WNT2: variants seen among roughly 807,000 people sequenced by gnomAD.
The protein encoded by WNT2 is protein Wnt-2.
A neutral mutation model predicts 36.9 loss-of-function variants in WNT2; 12 were observed. The observed-to-expected ratio is 0.33, with a 90% CI of 0.21 to 0.53. WNT2 has a LOEUF of 0.53. Among genes scored for constraint, WNT2 ranks in the 20% least tolerant of loss-of-function variants. WNT2 has a pLI of 0.95. For missense variants in WNT2, 379 were observed against 473.1 expected (o/e 0.80, Z 1.84); for synonymous variants, 163 against 174.6 (o/e 0.93, Z 0.52).
chr7:117,292,417 G>A (rs562076338), intron 4 of WNT2, among the ~76,000 whole-genome samples: 4 of 152,126 alleles, frequency 2.6e-5, no homozygotes, highest in African/African-American at 9.6e-5. Flanking sequence ...GTAACTTTGC[G>A]GAACCTCACT....
intron 3 of WNT2, among the ~76,000 whole-genome samples, chr7:117,310,584 A>AAC (rs1468766745): frequency 2.8e-5 from 4 of 143,598 alleles, no homozygotes; most frequent in African/African-American, 5.2e-5. Flanking sequence ...CCCTGTCTCA[A>AAC]AAAAAAAAAA....
At chr7:117,290,042 G>A (rs1215718092) in intron 4 of WNT2, among the ~76,000 whole-genome samples, 1 of 152,086 alleles carries the variant, frequency 6.6e-6, no homozygotes, top group Non-Finnish European at 1.5e-5. Flanking sequence ...CAGGGGACAG[G>A]GCAAATAAGG....
chr7:117,278,314 G>A lies in WNT2; in HGVS notation c.924C>T (p.Cys308=), dbSNP rs766068143. 1 of 1,614,222 alleles carries A rather than the reference G, an allele frequency of 6.2e-7. No individual in the cohort carries two copies. Among genetic ancestry groups the A allele is most frequent in the Non-Finnish European group, 8.5e-7 (1 of 1,180,052 alleles). ...GGGAGGTGTCGTAGCCTCTCCCACA[G>A]CACATGACTTCACAGCTGTCCATGC... ...SRGMDSCEVM[C]CGRGYDTSHV... is the part of the protein sequence containing the mutation. Residue 308 remains cysteine (C), a synonymous_variant, in exon 5 of 5, where the codon TGC becomes TGT. Transcript: ENST00000265441.
chr7:117,320,346 T>C (rs1014086594), intron 2 of WNT2: 1 of 560,514 alleles, frequency 1.8e-6, no homozygotes, highest in South Asian at 2.1e-5. Flanking sequence ...GACAACAGCC[T>C]GGGGTTCTAC....
intron 4 of WNT2, among the ~76,000 whole-genome samples, chr7:117,278,591 G>C (rs1794425142): frequency 6.6e-6 from 1 of 152,192 alleles, no homozygotes; most frequent in African/African-American, 2.4e-5. Context: ...GTGCTGAGAG[G>C]GCCGAGTCCC....
chr7:117,319,755 T>C (rs550775086), intron 2 of WNT2, among the ~76,000 whole-genome samples: 1 of 152,304 alleles, frequency 6.6e-6, no homozygotes, highest in African/African-American at 2.4e-5. Context: ...TTCAGAACTT[T>C]TAAGAAGTTT....
Position 117,321,561 on chromosome 7 carries a change from G to T in WNT2, c.84-768C>A, listed in dbSNP as rs552096251. On this transcript the variant is annotated intron_variant, in intron 1 of 4. Transcript: ENST00000265441. Reference sequence around the variant, plus strand: ...TATTAGTCGTGAAATGTTTAGAAAGGTACCTTTTATATAACCCAAGCTGCC... The same window carrying T: ...TATTAGTCGTGAAATGTTTAGAAAGTTACCTTTTATATAACCCAAGCTGCC... 8.5e-5 allele frequency among the ~76,000 whole-genome samples: 13 copies of T among 152,240 alleles called. No individual in the cohort carries two copies. The South Asian group carries it at 1.7e-3, about 19-fold the overall frequency.
intron 4 of WNT2, among the ~76,000 whole-genome samples, chr7:117,292,627 G>A (rs780482370): frequency 6.6e-6 from 1 of 152,168 alleles, no homozygotes; most frequent in South Asian, 2.1e-4. Flanking sequence ...GCCTAGTAGC[G>A]TTACTTCAGG....
intron 1 of WNT2, 70 bp from the exon 2 acceptor site, chr7:117,320,863 A>G (rs952727112): frequency 6.0e-6 from 8 of 1,338,666 alleles, no homozygotes; most frequent in African/African-American, 1.4e-5. Context: ...TGTTCCTGGG[A>G]GACTAAGGAG....
chr7:117,300,248 G>A (rs754648885), intron 3 of WNT2, among the ~76,000 whole-genome samples: 7 of 152,050 alleles, frequency 4.6e-5, no homozygotes, highest in Non-Finnish European at 7.4e-5. Flanking sequence ...GTGCAGTGGC[G>A]CGATCTCAGC....
At position 117,315,287 on chromosome 7, in the gene WNT2, G is replaced by C; in HGVS notation, c.372C>G (p.Thr124=). ...TTACTTCTCCTTGGCTACAGGCCCT[G>C]GTGATGGCAAATACAACTCCAGCTG... is the stretch of plus-strand genomic sequence containing the variant. The part of the protein sequence containing the change: ...ISSAGVVFAI[T]RACSQGEVKS... Residue 124 remains threonine, a synonymous_variant, in exon 3 of 5, where the codon ACC becomes ACG. Transcript: ENST00000265441. 1 of 1,614,172 alleles carries C rather than the reference G, an allele frequency of 6.2e-7. No homozygotes were observed. Among genetic ancestry groups the C allele is most frequent in the Non-Finnish European group, 8.5e-7 (1 of 1,180,022 alleles).
intron 2 of WNT2, among the ~76,000 whole-genome samples, chr7:117,319,768 T>C (rs1398042613): frequency 4.6e-5 from 7 of 152,256 alleles, no homozygotes; most frequent in African/African-American, 1.7e-4. Context: ...AGAAGTTTAC[T>C]ACGTAATTAG....
intron 3 of WNT2, among the ~76,000 whole-genome samples, chr7:117,312,137 T>C (rs1379960215): frequency 6.6e-6 from 1 of 152,068 alleles, no homozygotes; most frequent in African/African-American, 2.4e-5. Flanking sequence ...GAAGAAAGAG[T>C]GAACTAACTT....
At chr7:117,317,716 T>C (rs1047686996) in intron 2 of WNT2, among the ~76,000 whole-genome samples, 1 of 152,236 alleles carries the variant, frequency 6.6e-6, no homozygotes, top group African/African-American at 2.4e-5. Context: ...AATGTGTTGC[T>C]ATTGAAGTTT....
intron 3 of WNT2, among the ~76,000 whole-genome samples, chr7:117,301,612 T>C (rs577932680): frequency 1.3e-5 from 2 of 152,166 alleles, no homozygotes; most frequent in Non-Finnish European, 2.9e-5. Context: ...TCTATGCTTA[T>C]GAAAACCTGC....
chr7:117,303,283 T>C (rs183947934), intron 3 of WNT2, among the ~76,000 whole-genome samples: 143 of 152,304 alleles, frequency 9.4e-4, no homozygotes, highest in Middle Eastern at 3.4e-3. Context: ...CGGCAGAAGC[T>C]GGCATTACAT....
At chr7:117,314,404 C>T (rs752513413) in intron 3 of WNT2, among the ~76,000 whole-genome samples, 9 of 152,156 alleles carry the variant, frequency 5.9e-5, no homozygotes, top group Admixed American at 3.3e-4. Flanking sequence ...CCTTGAGTAC[C>T]TTGAGGGCTT....
At chr7:117,303,587 G>A (rs1051631807) in intron 3 of WNT2, among the ~76,000 whole-genome samples, 7 of 152,188 alleles carry the variant, frequency 4.6e-5, no homozygotes, top group African/African-American at 1.2e-4. Flanking sequence ...ATGCACAGCC[G>A]CTGATGGAGG....
Position 117,322,398 on chromosome 7 carries a change from C to G in WNT2, c.83+509G>C, listed in dbSNP as rs1304427548. On this transcript the variant is annotated intron_variant, in intron 1 of 4. Transcript: ENST00000265441. The surrounding 1 kb of genome is among the most constrained non-coding windows in gnomAD (Gnocchi z 5.4). The stretch of plus-strand genomic sequence containing the variant: ...GGGGTGAACCTGGAATGTGGAAGGA[C>G]GGGAAATAATACAAAGTCACACGCT... 6.6e-6 allele frequency among the ~76,000 whole-genome samples: 1 copy of G among 150,860 alleles called. No homozygotes were observed. Among genetic ancestry groups the G allele is most frequent in the African/African-American group, 2.4e-5 (1 of 41,038 alleles).
Sources: gnomAD v4.1 joint callset for allele counts (sites outside exome capture counted in the v4.1 genomes callset) on GRCh38, gnomAD v4.1.1 for gene constraint, Gnocchi (gnomAD v3.1) non-coding constraint, MANE v1.5 for transcripts, NCBI Gene and HGNC (gene_info 2026-07-23, HGNC 2026-07-21) for gene names.